AGBL4: variants seen among roughly 807,000 people sequenced by gnomAD.
AGBL4 encodes the protein AGBL carboxypeptidase 4.
Under a neutral mutation model 66.4 loss-of-function variants are expected in AGBL4, and 58 were observed. The observed-to-expected ratio is 0.87, with a 90% CI of 0.71 to 1.09. The LOEUF (loss-of-function observed/expected upper bound fraction) is 1.09. Ranked by LOEUF, AGBL4 falls within the 50% of genes least tolerant of loss-of-function variation. The probability of loss-of-function intolerance (pLI) is 0.00; values close to 1 mark genes in which losing one functional copy is unlikely to be tolerated. For missense variants in AGBL4, 579 were observed against 631.0 expected (o/e 0.92, Z 0.88); for synonymous variants, 234 against 222.9 (o/e 1.05, Z -0.44).
intron 4 of AGBL4, among the ~76,000 whole-genome samples, chr1:49,048,810 A>T (rs371096720): frequency 5.3e-5 from 8 of 152,110 alleles, no homozygotes; most frequent in African/African-American, 7.2e-5. Context: ...AGAGGAAAAA[A>T]AAAAAAGATT....
At chr1:49,762,893 C>A (rs1020195635) in intron 2 of AGBL4, among the ~76,000 whole-genome samples, 4 of 152,134 alleles carry the variant, frequency 2.6e-5, no homozygotes, top group Non-Finnish European at 4.4e-5. Context: ...ATATAATCCC[C>A]ATTTGTCTAT....
At chr1:49,237,512 TTATATATATATATATATATATATA>T (rs71056690) in intron 4 of AGBL4, among the ~76,000 whole-genome samples, 59 of 2,284 alleles carry the variant, frequency 0.026, no homozygotes, top group Non-Finnish European at 0.05. Context: ...CAATATTACA[TTATATATATATATATATATATATA>T]TATATATATA....
At chr1:49,329,952 C>T (rs1409745321) in intron 3 of AGBL4, among the ~76,000 whole-genome samples, 1 of 152,178 alleles carries the variant, frequency 6.6e-6, no homozygotes, top group African/African-American at 2.4e-5. Flanking sequence ...ACTGCATCTG[C>T]AGTGCTCTGC....
At chr1:49,736,250 A>G (rs1005752301) in intron 2 of AGBL4, among the ~76,000 whole-genome samples, 15 of 152,236 alleles carry the variant, frequency 9.9e-5, no homozygotes, top group African/African-American at 3.4e-4. Context: ...CTTGAAAGAC[A>G]AAGACAAAGA....
At chr1:49,109,073 CA>C (rs915445410) in intron 4 of AGBL4, among the ~76,000 whole-genome samples, 8 of 152,044 alleles carry the variant, frequency 5.3e-5, no homozygotes, top group Admixed American at 1.3e-4. Flanking sequence ...CCTCCTTTTT[CA>C]AAAAACTTTA....
At chr1:49,281,526 A>C (rs1007132407) in intron 3 of AGBL4, among the ~76,000 whole-genome samples, 3 of 152,222 alleles carry the variant, frequency 2.0e-5, no homozygotes, top group Non-Finnish European at 4.4e-5. Flanking sequence ...GATAGGGCTT[A>C]AAAGGTGTTA....
At chr1:49,738,251 G>A (rs116305661) in intron 2 of AGBL4, among the ~76,000 whole-genome samples, 3,944 of 152,326 alleles carry the variant, frequency 0.026, 70 homozygotes, top group Non-Finnish European at 0.042. Flanking sequence ...GGCACACAAG[G>A]AGATTGTATC....
intron 6 of AGBL4, among the ~76,000 whole-genome samples, chr1:48,757,038 T>G (rs1230613026): frequency 6.6e-6 from 1 of 152,300 alleles, no homozygotes; most frequent in East Asian, 1.9e-4. Context: ...TATAATGATG[T>G]AAAATGCAGG....
intron 9 of AGBL4, among the ~76,000 whole-genome samples, chr1:48,601,535 A>G (rs1324206114): frequency 1.3e-5 from 2 of 152,244 alleles, no homozygotes; most frequent in African/African-American, 2.4e-5. Flanking sequence ...CATAGAGTTA[A>G]GAGGAGCTTG....
intron 4 of AGBL4, among the ~76,000 whole-genome samples, chr1:49,120,462 G>GAA (rs1176987212): frequency 6.6e-6 from 1 of 152,088 alleles, no homozygotes; most frequent in Non-Finnish European, 1.5e-5. Flanking sequence ...ATGAAAAGTT[G>GAA]AAAAGTCTTT....
At position 49,753,606 on chromosome 1, in the gene AGBL4, T is replaced by C. The variant is rs574741380; in HGVS notation, c.158-56169A>G. Among the ~76,000 whole-genome samples, 9 of 152,334 alleles carry C rather than the reference T, an allele frequency of 5.9e-5. No homozygotes were observed. The East Asian group carries it at 1.3e-3, about 23-fold the overall frequency. On this transcript the variant is annotated intron_variant, in intron 2 of 13. Coordinates refer to ENST00000371839, the MANE Select transcript of AGBL4 (RefSeq NM_032785.4). ...GTTGTCTGTATTCCCAGAATTTGAA[T>C]GTTGGCCTGTTTTGCTAGGTTGGGG...
intron 11 of AGBL4, among the ~76,000 whole-genome samples, chr1:48,549,399 T>TC (rs1473119733): frequency 7.9e-5 from 12 of 152,192 alleles, no homozygotes; most frequent in African/African-American, 2.9e-4. Flanking sequence ...CAGAGTCCTT[T>TC]CCCATTGCAG....
intron 5 of AGBL4, among the ~76,000 whole-genome samples, chr1:48,948,882 A>G (rs1656736120): frequency 6.6e-6 from 1 of 152,146 alleles, no homozygotes; most frequent in Admixed American, 6.5e-5. Context: ...AAAAAAAAAA[A>G]TTGAAAGGAT....
At chr1:49,732,174 C>T (rs1179086999) in intron 2 of AGBL4, among the ~76,000 whole-genome samples, 1 of 152,208 alleles carries the variant, frequency 6.6e-6, no homozygotes, top group African/African-American at 2.4e-5. Context: ...GCTTGAAGTA[C>T]AGCCCTGACT....
intron 3 of AGBL4, among the ~76,000 whole-genome samples, chr1:49,441,114 C>T (rs1274735295): frequency 6.6e-6 from 1 of 152,154 alleles, no homozygotes; most frequent in Non-Finnish European, 1.5e-5. Flanking sequence ...CTGTTAGCTT[C>T]AAGACATATG....
intron 3 of AGBL4, among the ~76,000 whole-genome samples, chr1:49,588,002 T>C (rs1644682822): frequency 6.6e-6 from 1 of 152,090 alleles, no homozygotes; most frequent in Non-Finnish European, 1.5e-5. Flanking sequence ...TCTCAATGAT[T>C]CCCTCACCTA....
At chr1:48,778,000 A>G (rs1645176965) in intron 6 of AGBL4, among the ~76,000 whole-genome samples, 1 of 152,188 alleles carries the variant, frequency 6.6e-6, no homozygotes, top group African/African-American at 2.4e-5. Flanking sequence ...ACCCTATCCC[A>G]CATCAGAGGA....
rs192105492 is a variant in AGBL4, at chr1:49,457,664, T to C, written c.283-211800A>G. Among the ~76,000 whole-genome samples, 818 of 151,814 alleles carry C rather than the reference T, an allele frequency of 5.4e-3. 4 individuals carry two copies. The highest frequency in any genetic ancestry group is 8.6e-3 in the Admixed American group (131 of 15,210). ...TCACTGTCTAGAAGGGTTTTTCTGATGCTATCTTCCAAAATTTTTATAGTT... is the reference window on the plus strand; with the variant it reads ...TCACTGTCTAGAAGGGTTTTTCTGACGCTATCTTCCAAAATTTTTATAGTT... On this transcript the variant is annotated intron_variant, in intron 3 of 13. Transcript: ENST00000371839.
chr1:48,871,954 G>A (rs1648721695), intron 5 of AGBL4, among the ~76,000 whole-genome samples: 1 of 152,022 alleles, frequency 6.6e-6, no homozygotes, highest in African/African-American at 2.4e-5. Flanking sequence ...GACCTTTTCT[G>A]GATTCAATTA....
Sources: allele counts gnomAD v4.1 joint callset (sites outside exome capture counted in the v4.1 genomes callset), GRCh38; gene constraint gnomAD v4.1.1; transcripts MANE v1.5; gene names NCBI Gene and HGNC (gene_info 2026-07-23, HGNC 2026-07-21).